The following LRRC7 variants were observed in gnomAD, a reference collection of about 807,000 sequenced individuals.
The protein encoded by LRRC7 is leucine rich repeat containing 7.
Under a neutral mutation model 175.7 loss-of-function variants are expected in LRRC7, and 23 were observed. That is an observed-to-expected ratio of 0.13 (90% confidence interval 0.09 to 0.19). The LOEUF (loss-of-function observed/expected upper bound fraction) is 0.19, where lower values mean the gene tolerates loss of function less well. LRRC7 is among the 10% of genes least tolerant of loss of function. LRRC7 has a pLI of 1.00. For missense variants in LRRC7, 1,354 were observed against 1,904.7 expected, an observed-to-expected ratio of 0.71 and a Z score of 5.38; for synonymous variants, 685 against 680.9, an observed-to-expected ratio of 1.01 and a Z score of -0.09.
chr1:70,007,637 G>A (rs1656106208), intron 11 of LRRC7, among the ~76,000 whole-genome samples: 1 of 151,600 alleles, frequency 6.6e-6, no homozygotes, highest in African/African-American at 2.4e-5. Context: ...TTCATGATAC[G>A]TTGTTAAACA....
chr1:69,864,090 C>A (rs1019996679), intron 7 of LRRC7, among the ~76,000 whole-genome samples: 1 of 152,134 alleles, frequency 6.6e-6, no homozygotes, highest in Admixed American at 6.5e-5. Context: ...GGAAGAAAAG[C>A]TCTTTCAGAA....
At chr1:69,871,490 A>T (rs1685533121) in intron 7 of LRRC7, among the ~76,000 whole-genome samples, 1 of 152,068 alleles carries the variant, frequency 6.6e-6, no homozygotes, top group Admixed American at 6.6e-5. Flanking sequence ...TTGTGTTTGA[A>T]TTTGAGCTAT....
At chr1:69,981,823 G>A (rs921792741) in intron 9 of LRRC7, among the ~76,000 whole-genome samples, 7 of 152,062 alleles carry the variant, frequency 4.6e-5, no homozygotes, top group Non-Finnish European at 7.4e-5. Flanking sequence ...CATTTACCAC[G>A]GGCTAAGCAT....
intron 26 of LRRC7, among the ~76,000 whole-genome samples, chr1:70,114,493 G>A (rs543868217): frequency 2.0e-5 from 3 of 152,076 alleles, no homozygotes; most frequent in Non-Finnish European, 2.9e-5. Context: ...TTCAAGACCA[G>A]CCTAGGCAAC....
At chr1:69,580,038 C>A (rs1387359560) in intron 1 of LRRC7, among the ~76,000 whole-genome samples, 1 of 152,090 alleles carries the variant, frequency 6.6e-6, no homozygotes, top group East Asian at 1.9e-4. Context: ...GGTCCATGAA[C>A]AATCACTCTA....
At chr1:69,865,083 T>A (rs1684762000) in intron 7 of LRRC7, among the ~76,000 whole-genome samples, 7 of 152,160 alleles carry the variant, frequency 4.6e-5, no homozygotes, top group Admixed American at 4.6e-4. Flanking sequence ...GACTGGTTAT[T>A]TCACCTGAGA....
At chr1:69,813,352 T>G (rs1488094717) in intron 4 of LRRC7, among the ~76,000 whole-genome samples, 1 of 152,122 alleles carries the variant, frequency 6.6e-6, no homozygotes, top group Non-Finnish European at 1.5e-5. Flanking sequence ...ACCAACTGAT[T>G]GAATTCATGG....
chr1:69,881,927 TG>T (rs1370134060), intron 7 of LRRC7, among the ~76,000 whole-genome samples: 25 of 141,072 alleles, frequency 1.8e-4, no homozygotes, highest in African/African-American at 6.3e-4. Context: ...ACCCTATAGA[TG>T]GGGAGAAAAT....
intron 4 of LRRC7, among the ~76,000 whole-genome samples, chr1:69,800,479 A>G (rs1213129664): frequency 6.6e-6 from 1 of 151,832 alleles, no homozygotes; most frequent in Non-Finnish European, 1.5e-5. Context: ...AATAGATCCC[A>G]AGGCATTTTA....
intron 23 of LRRC7, among the ~76,000 whole-genome samples, chr1:70,068,041 A>G (rs1662107874): frequency 6.6e-6 from 1 of 152,118 alleles, no homozygotes; most frequent in Non-Finnish European, 1.5e-5. Context: ...CTATCTAGAC[A>G]GTGTCATCGT....
At chr1:70,118,445 A>G (rs1666004395) in intron 26 of LRRC7, among the ~76,000 whole-genome samples, 1 of 152,200 alleles carries the variant, frequency 6.6e-6, no homozygotes, top group Non-Finnish European at 1.5e-5. Flanking sequence ...AATGTGATAG[A>G]AATCTGAATG....
chr1:70,079,067 A>T (rs1316866424), intron 24 of LRRC7, among the ~76,000 whole-genome samples: 1 of 152,162 alleles, frequency 6.6e-6, no homozygotes, highest in Admixed American at 6.5e-5. Context: ...TACTTTCCTA[A>T]GTTATATTTC....
rs112396881 is a variant in LRRC7, at chr1:69,982,504, A to T, written c.786+2051A>T. Among the ~76,000 whole-genome samples the T allele has an allele frequency of 3.9e-4, 60 of 152,326 alleles. 1 individual carries two copies. The highest frequency in any genetic ancestry group is 1.4e-3 in the African/African-American group (57 of 41,580). ...ATCATTAGCCATGGGGAAAAGAAGC[A>T]CATTCATTTTTTTCTTAGTTCATGT... is the stretch of plus-strand genomic sequence containing the variant. On this transcript the variant is annotated intron_variant, in intron 9 of 26. Coordinates refer to ENST00000651989, the MANE Select transcript of LRRC7 (RefSeq NM_001370785.2).
intron 2 of LRRC7, among the ~76,000 whole-genome samples, chr1:69,756,509 C>T (rs1345992593): frequency 6.6e-6 from 1 of 151,462 alleles, no homozygotes; most frequent in East Asian, 1.9e-4. Flanking sequence ...AATTTTAAAA[C>T]TTTCCGGTGG....
At chr1:69,629,294 A>G (rs1000447437) in intron 1 of LRRC7, among the ~76,000 whole-genome samples, 1 of 152,198 alleles carries the variant, frequency 6.6e-6, no homozygotes, top group Non-Finnish European at 1.5e-5. Flanking sequence ...AATAAGCAAA[A>G]GATGTGGACA....
rs1446890898 is a variant in LRRC7 at position 70,136,819 on chromosome 1, A to T, written c.*14932A>T. Among the ~76,000 whole-genome samples the T allele has an allele frequency of 1.5e-5, 2 of 136,410 alleles. No individual in the cohort carries two copies. Among genetic ancestry groups the T allele is most frequent in the Non-Finnish European group, 3.0e-5 (2 of 66,038 alleles). The allele number at this position is 136,410 out of a possible 152,430, so 89.5% of individuals were successfully genotyped here. On this transcript the variant is annotated 3_prime_UTR_variant, in exon 27 of 27. Transcript: ENST00000651989. ...ATCATGGCCCACTGCAGCCTTGACC[A>T]CCTGGGCTCAAGTGATCCACCTCAG... is the stretch of plus-strand genomic sequence containing the variant.
intron 7 of LRRC7, among the ~76,000 whole-genome samples, chr1:69,872,489 A>T (rs1557835657): frequency 3.3e-5 from 5 of 152,002 alleles, no homozygotes. Flanking sequence ...CAATTTCTTA[A>T]ATTAAAAAGG....
At chr1:69,948,572 G>T (rs1460892164) in intron 8 of LRRC7, among the ~76,000 whole-genome samples, 2 of 152,056 alleles carry the variant, frequency 1.3e-5, no homozygotes, top group African/African-American at 2.4e-5. Flanking sequence ...ATATCATTTG[G>T]GTCCTTCAAG....
intron 8 of LRRC7, among the ~76,000 whole-genome samples, chr1:69,973,425 A>C (rs2101872800): frequency 6.6e-6 from 1 of 152,304 alleles, no homozygotes; most frequent in African/African-American, 2.4e-5. Flanking sequence ...TTCCCCAATA[A>C]CCTATGGAAA....
Sources: gnomAD v4.1 joint callset for allele counts (sites outside exome capture counted in the v4.1 genomes callset) on GRCh38, gnomAD v4.1.1 for gene constraint, MANE v1.5 for transcripts, NCBI Gene and HGNC (gene_info 2026-07-23, HGNC 2026-07-21) for gene names.